Variants in DR1 observed in about 807,000 individuals in gnomAD.
DR1 encodes the protein down-regulator of transcription 1.
A neutral mutation model predicts 19.9 loss-of-function variants in DR1; 7 were observed. That is an observed-to-expected ratio of 0.35 (90% CI 0.20 to 0.66). DR1 has a LOEUF of 0.66. DR1 is among the 30% of genes least tolerant of loss of function. DR1 has a pLI of 0.66. For missense variants in DR1, 98 were observed against 203.7 expected (o/e 0.48, Z 3.16); for synonymous variants, 76 against 72.5 (o/e 1.05, Z -0.24).
Position 93,349,114 on chromosome 1 carries a change from A to C in DR1, c.220+2249A>C, listed in dbSNP as rs189660289. 7.8e-4 allele frequency among the ~76,000 whole-genome samples: 119 copies of C among 152,232 alleles called. 1 individual carries two copies. The South Asian group carries it at 0.013, about 17-fold the overall frequency. ...TTTTTAGTGATAAGTTTAATGAATT[A>C]GACTTTGCTTCAGGACATTTCACTT... On this transcript the variant is annotated intron_variant, in intron 1 of 2. Coordinates refer to ENST00000370272, the MANE Select transcript of DR1 (RefSeq NM_001938.3).
In DR1 at chr1:93,364,035, G is replaced by A. The variant is rs1487450204; in HGVS notation, c.*3396G>A. ...AAGAATGGAATTGCCAGGTTGTAGG[G>A]TGTGTATATTTTCAGTTTTAGTATT... On this transcript the variant is annotated 3_prime_UTR_variant, in exon 3 of 3. Coordinates refer to ENST00000370272, the MANE Select transcript of DR1 (RefSeq NM_001938.3). 2 of 152,144 alleles carry A rather than the reference G, an allele frequency of 1.3e-5. No homozygotes were observed. The highest frequency in any genetic ancestry group is 2.1e-4 in the South Asian group (1 of 4,820). The allele number at this position is 152,144 out of a possible 1,614,324, so 9.4% of individuals were successfully genotyped here.
chr1:93,346,911 A>G, intron 1 of DR1, 46 bp downstream of exon 1: 1 of 1,508,418 alleles, frequency 6.6e-7, no homozygotes, highest in Non-Finnish European at 9.1e-7. Flanking sequence ...CTAGGGTAGC[A>G]GTCTGCTAAT....
At chr1:93,360,147 A>C (rs1667035137) in intron 2 of DR1, among the ~76,000 whole-genome samples, 1 of 152,060 alleles carries the variant, frequency 6.6e-6, no homozygotes, top group Admixed American at 6.6e-5. Context: ...AGAAGAGGGA[A>C]AGAGCCAGAG....
rs748575200 is a variant in DR1, at chr1:93,364,467, A to G, written c.*3828A>G. ...TTTCTAAATTATGTCTGTCCAACTC[A>G]TCTATATCCAAATGGCCATTAGGAA... is the stretch of plus-strand genomic sequence containing the variant. On this transcript the variant is annotated 3_prime_UTR_variant, in exon 3 of 3. Transcript: ENST00000370272. 1.3e-5 allele frequency: 2 copies of G among 152,236 alleles called. No individual in the cohort carries two copies. The highest frequency in any genetic ancestry group is 2.9e-5 in the Non-Finnish European group (2 of 68,048). The allele number at this position is 152,236 out of a possible 1,614,324, so 9.4% of individuals were successfully genotyped here.
intron 2 of DR1, among the ~76,000 whole-genome samples, chr1:93,359,307 C>G (rs1047640655): frequency 7.2e-5 from 11 of 151,956 alleles, no homozygotes; most frequent in African/African-American, 2.4e-4. Flanking sequence ...CATGTTCATT[C>G]AGAAAATACT....
rs2101633914 is a variant in DR1, at chr1:93,346,537, A to C, written c.-109A>C. On this transcript the variant is annotated 5_prime_UTR_variant, in exon 1 of 3. Coordinates refer to ENST00000370272, the MANE Select transcript of DR1 (RefSeq NM_001938.3). ...ATTTTCTGCACCCTCTTCGCAAAGC[A>C]CCCCCCGGGATCACTCTCCGAGGGC... 1 of 826,050 alleles carries C rather than the reference A, an allele frequency of 1.2e-6. No homozygotes were observed. Among genetic ancestry groups the C allele is most frequent in the Admixed American group, 2.4e-5 (1 of 42,470 alleles). 51.2% of individuals were successfully genotyped at this position (826,050 alleles called of 1,614,324 possible).
Position 93,364,458 on chromosome 1 carries a change from G to A in DR1, c.*3819G>A, listed in dbSNP as rs1428328610. ...TTATATAGGTTTCTAAATTATGTCT[G>A]TCCAACTCATCTATATCCAAATGGC... On this transcript the variant is annotated 3_prime_UTR_variant, in exon 3 of 3. Transcript: ENST00000370272. 6.6e-6 allele frequency: 1 copy of A among 152,148 alleles called. No homozygotes were observed. The highest frequency in any genetic ancestry group is 1.9e-4 in the East Asian group (1 of 5,194). 9.4% of individuals were successfully genotyped at this position (152,148 alleles called of 1,614,324 possible). A position where few individuals can be genotyped will look rare whatever the true frequency, so the allele number is the denominator to read the frequency against.
rs562692179 is a variant in DR1 at position 93,360,063 on chromosome 1, AT to A, written c.385-426del. Among the ~76,000 whole-genome samples the A allele has an allele frequency of 7.9e-5, 12 of 152,310 alleles. No homozygotes were observed. In the South Asian group the frequency reaches 2.1e-3, roughly 26 times the overall value. On this transcript the variant is annotated intron_variant, in intron 2 of 2. Transcript: ENST00000370272. The stretch of plus-strand genomic sequence containing the variant: ...GAGAACTTTTAAACCATATAAATAA[AT>A]TTTAGATTGAAAAATGTTTGTATCA...
chr1:93,351,527 C>T (rs929809826), intron 1 of DR1, among the ~76,000 whole-genome samples: 6 of 150,880 alleles, frequency 4.0e-5, no homozygotes, highest in African/African-American at 1.5e-4. Flanking sequence ...GCTCTGCCTC[C>T]CGGGTTCAAG....
rs1243855515 is a variant in DR1 at position 93,368,587 on chromosome 1, T to A, written c.*7948T>A. ...GCAAATACCTTCTAATACGTTTGTT[T>A]CTTTTGTTGTGCCTATAAAAGATGC... On this transcript the variant is annotated 3_prime_UTR_variant, in exon 3 of 3. Coordinates refer to ENST00000370272, the MANE Select transcript of DR1 (RefSeq NM_001938.3). The A allele has an allele frequency of 1.3e-5, 2 of 152,240 alleles. No homozygotes were observed. Among genetic ancestry groups the A allele is most frequent in the Admixed American group, 1.3e-4 (2 of 15,282 alleles). 9.4% of individuals were successfully genotyped at this position (152,240 alleles called of 1,614,324 possible).
Position 93,349,533 on chromosome 1 carries a change from A to C in DR1, c.220+2668A>C, listed in dbSNP as rs1294863225. The stretch of plus-strand genomic sequence containing the variant: ...AACTAAGGTTTTCTTATTTGTGTAC[A>C]AATAATACTTGATTTCAGGTATTAC... On this transcript the variant is annotated intron_variant, in intron 1 of 2. Transcript: ENST00000370272. 3.9e-5 allele frequency among the ~76,000 whole-genome samples: 6 copies of C among 152,262 alleles called. No homozygotes were observed. The East Asian group carries it at 1.2e-3, about 29-fold the overall frequency.
intron 2 of DR1, chr1:93,355,043 A>C (rs1322858306): frequency 3.9e-5 from 6 of 152,220 alleles, no homozygotes; most frequent in Admixed American, 3.9e-4. Context: ...GTTATAATTC[A>C]TATGAATATG....
chr1:93,348,327 A>T (rs1666876958), intron 1 of DR1, among the ~76,000 whole-genome samples: 2 of 152,048 alleles, frequency 1.3e-5, no homozygotes, highest in Non-Finnish European at 2.9e-5. Flanking sequence ...TGCTGTCATA[A>T]GTCTTTCACA....
intron 1 of DR1, among the ~76,000 whole-genome samples, chr1:93,350,134 AT>A (rs747721298): frequency 5.3e-5 from 8 of 152,178 alleles, no homozygotes; most frequent in Non-Finnish European, 1.0e-4. Flanking sequence ...AAATTAATAT[AT>A]CTTTTATTTC....
Position 93,361,045 on chromosome 1 carries a change from G to GC in DR1, c.*406_*407insC. Reference sequence around the variant, plus strand: ...AACTTGTGAATTTTAAATTATTAAGGGGGGGGTGCTGTGTGAATCAGTAGA... The same window carrying GC: ...AACTTGTGAATTTTAAATTATTAAGGCGGGGGGTGCTGTGTGAATCAGTAGA... On this transcript the variant is annotated 3_prime_UTR_variant, in exon 3 of 3. Coordinates refer to ENST00000370272, the MANE Select transcript of DR1 (RefSeq NM_001938.3). 1 of 163,966 alleles carries GC rather than the reference G, an allele frequency of 6.1e-6. No individual in the cohort carries two copies. The highest frequency in any genetic ancestry group is 3.0e-3 in the Middle Eastern group (1 of 334). The allele number at this position is 163,966 out of a possible 1,614,324, so 10.2% of individuals were successfully genotyped here.
chr1:93,347,924 ATTAATT>A (rs1666872543), intron 1 of DR1, among the ~76,000 whole-genome samples: 1 of 152,180 alleles, frequency 6.6e-6, no homozygotes, highest in South Asian at 2.1e-4. Flanking sequence ...GGGAAAAATG[ATTAATT>A]TTAATCATTT....
In DR1 at chr1:93,367,015, A is replaced by T. The variant is rs999618260; in HGVS notation, c.*6376A>T. ...AAATCCTATCTCAAAAAAAATATATATATTATCCAGCCCCAAATGTTTATG... is the reference window on the plus strand; with the variant it reads ...AAATCCTATCTCAAAAAAAATATATTTATTATCCAGCCCCAAATGTTTATG... On this transcript the variant is annotated 3_prime_UTR_variant, in exon 3 of 3. Transcript: ENST00000370272. The T allele has an allele frequency of 6.6e-6, 1 of 151,918 alleles. No individual in the cohort carries two copies. The highest frequency in any genetic ancestry group is 1.5e-5 in the Non-Finnish European group (1 of 68,032). The allele number at this position is 151,918 out of a possible 1,614,324, so 9.4% of individuals were successfully genotyped here.
At chr1:93,348,500 A>G (rs1666880508) in intron 1 of DR1, among the ~76,000 whole-genome samples, 1 of 152,108 alleles carries the variant, frequency 6.6e-6, no homozygotes, top group South Asian at 2.1e-4. Flanking sequence ...CCAAAAACCT[A>G]ATAACACATT....
At chr1:93,348,887 T>A (rs1405278530) in intron 1 of DR1, among the ~76,000 whole-genome samples, 1 of 152,004 alleles carries the variant, frequency 6.6e-6, no homozygotes, top group East Asian at 1.9e-4. Context: ...TCCAAAGAAG[T>A]TTTGTTTTGA....
Sources: gnomAD v4.1 joint callset for allele counts (sites outside exome capture counted in the v4.1 genomes callset) on GRCh38, gnomAD v4.1.1 for gene constraint, MANE v1.5 for transcripts, NCBI Gene and HGNC (gene_info 2026-07-23, HGNC 2026-07-21) for gene names.